Variants in SCAMP4 observed in about 807,000 individuals in gnomAD.
SCAMP4 encodes the protein secretory carrier membrane protein 4, also known as secretory carrier-associated membrane protein 4.
In SCAMP4, 19 loss-of-function variants were observed where a neutral mutation model predicts 32.1. The observed-to-expected ratio is 0.59, with a 90% CI of 0.41 to 0.87. The LOEUF is 0.87. Among genes scored for constraint, SCAMP4 ranks in the 40% least tolerant of loss-of-function variants. The pLI, the probability that SCAMP4 is intolerant of heterozygous loss-of-function variation, is 0.00. For synonymous variants in SCAMP4, 152 were observed against 132.7 expected (o/e 1.15, Z -1.00); for missense variants, 302 against 309.0 (o/e 0.98, Z 0.17).
At chr19:1,913,551 C>G in intron 1 of SCAMP4, 1 of 222,132 alleles carries the variant, frequency 4.5e-6, no homozygotes, top group Non-Finnish European at 8.9e-6. Flanking sequence ...TGCTGAGCCA[C>G]GTGTGGTCAG....
In SCAMP4 at chr19:1,905,428, C is replaced by G. The variant is rs548129125; in HGVS notation, c.-53C>G. 2 of 463,704 alleles carry G rather than the reference C, an allele frequency of 4.3e-6. No individual in the cohort carries two copies. The highest frequency in any genetic ancestry group is 8.9e-6 in the Non-Finnish European group (2 of 223,860). 28.7% of individuals were successfully genotyped at this position (463,704 alleles called of 1,614,324 possible). On this transcript the variant is annotated 5_prime_UTR_variant, in exon 1 of 7. Coordinates refer to ENST00000316097, the MANE Select transcript of SCAMP4 (RefSeq NM_079834.4). ...CTTGGCGAAGCGCTGCGCTCGCGCCCGGATCCCTCAGGTAAGCGCGCGGCC... is the reference window on the plus strand; with the variant it reads ...CTTGGCGAAGCGCTGCGCTCGCGCCGGGATCCCTCAGGTAAGCGCGCGGCC...
At chr19:1,922,722 G>A (rs556425606) in intron 5 of SCAMP4, 160 of 1,003,784 alleles carry the variant, frequency 1.6e-4, no homozygotes, top group East Asian at 1.1e-3. Context: ...GGTGCCCGCC[G>A]GACTCACTGA....
intron 4 of SCAMP4, 55 bp from the exon 5 acceptor site, chr19:1,918,834 G>C: frequency 6.4e-7 from 1 of 1,560,314 alleles, no homozygotes; most frequent in Non-Finnish European, 8.7e-7. Flanking sequence ...CTCTCTAGGC[G>C]CGTCTGGGAG....
chr19:1,907,559 C>A (rs1374292690), intron 1 of SCAMP4, among the ~76,000 whole-genome samples: 1 of 152,154 alleles, frequency 6.6e-6, no homozygotes, highest in South Asian at 2.1e-4. Context: ...GGTGGACATA[C>A]CCAGGTCCCG....
At chr19:1,912,897 CTG>C (rs2013559199) in intron 1 of SCAMP4, 3 of 1,608,246 alleles carry the variant, frequency 1.9e-6, no homozygotes, top group East Asian at 2.2e-5. Context: ...CGTGCGTAAA[CTG>C]GACGCAGACG....
rs769807147 is a variant in SCAMP4, at chr19:1,922,486, C to T, written c.396-584C>T. 204 of 941,970 alleles carry T rather than the reference C, an allele frequency of 2.2e-4. 1 individual carries two copies. Among genetic ancestry groups the T allele is most frequent in the African/African-American group, 4.8e-4 (27 of 56,518 alleles). 58.4% of individuals were successfully genotyped at this position (941,970 alleles called of 1,614,324 possible). On this transcript the variant is annotated intron_variant, in intron 5 of 6. Transcript: ENST00000316097. Reference sequence around the variant, plus strand: ...CTGGCCTCAAGTGATCCGCCCGCCTCGGCCTCCCAAAGTGCTGGGACGACA... The same window carrying T: ...CTGGCCTCAAGTGATCCGCCCGCCTTGGCCTCCCAAAGTGCTGGGACGACA...
chr19:1,912,842 C>G, intron 1 of SCAMP4: 1 of 1,594,842 alleles, frequency 6.3e-7, no homozygotes, highest in Non-Finnish European at 8.5e-7. Context: ...TCCCCGCCTG[C>G]TCCTTCGCCC....
Position 1,923,122 on chromosome 19 carries a change from G to C in SCAMP4, c.448G>C (p.Val150Leu). Reference protein sequence around the residue: ...FFQYSPGAAVVMLLPAIMFSV... With the variant: ...FFQYSPGAAVLMLLPAIMFSV... ...CCAGTACAGCCCGGGCGCTGCCGTG[G>C]TCATGCTGCTTCCAGCCATCATGTT... Residue 150 changes from valine (V) to leucine (L), a missense_variant, in exon 6 of 7, where the codon GTC becomes CTC. Val to Leu is a conservative substitution (Grantham distance 32, BLOSUM62 1). Transcript: ENST00000316097. 6.4e-7 allele frequency: 1 copy of C among 1,553,236 alleles called. No homozygotes were observed. Among genetic ancestry groups the C allele is most frequent in the Non-Finnish European group, 8.7e-7 (1 of 1,148,034 alleles).
intron 5 of SCAMP4, chr19:1,921,683 A>G: frequency 1.0e-6 from 1 of 985,306 alleles, no homozygotes; most frequent in East Asian, 1.1e-4. Context: ...TTACTTTTTT[A>G]AAAAATAAAA....
chr19:1,919,166 C>T (rs369452028), intron 5 of SCAMP4, 176 bp downstream of exon 5: 1 of 1,431,350 alleles, frequency 7.0e-7, no homozygotes, highest in African/African-American at 1.4e-5. Flanking sequence ...CGCCCGCGTC[C>T]TCGCCAGCAC....
At chr19:1,921,623 A>G (rs1378655976) in intron 5 of SCAMP4, 1 of 985,352 alleles carries the variant, frequency 1.0e-6, no homozygotes. Flanking sequence ...AGGAGTCCTC[A>G]AATGCCTTTG....
intron 1 of SCAMP4, among the ~76,000 whole-genome samples, chr19:1,910,687 T>C (rs1162653146): frequency 1.3e-5 from 2 of 150,724 alleles, no homozygotes; most frequent in Non-Finnish European, 3.0e-5. Context: ...AGCAATTCTC[T>C]TGCCTCAGCT....
intron 1 of SCAMP4, among the ~76,000 whole-genome samples, chr19:1,909,504 G>A (rs1429526933): frequency 6.6e-6 from 1 of 152,176 alleles, no homozygotes; most frequent in Non-Finnish European, 1.5e-5. Flanking sequence ...CCTCACCTGT[G>A]CCAGCAGCAG....
At chr19:1,906,979 A>T (rs2145420990) in intron 1 of SCAMP4, 1 of 152,024 alleles carries the variant, frequency 6.6e-6, no homozygotes, top group Admixed American at 6.6e-5. Context: ...CAAGGTCAGG[A>T]GTTCGAGAGC....
At chr19:1,917,406 G>T (rs1022442807) in intron 2 of SCAMP4, among the ~76,000 whole-genome samples, 1 of 152,208 alleles carries the variant, frequency 6.6e-6, no homozygotes, top group Non-Finnish European at 1.5e-5. Context: ...GCCGGTTCCC[G>T]CCTTGCCCAG....
chr19:1,918,135 G>A lies in SCAMP4; in HGVS notation c.145G>A (p.Ala49Thr), dbSNP rs45562539. The A allele has an allele frequency of 0.014, 23,169 of 1,610,848 alleles. 199 individuals are homozygous for A. Among genetic ancestry groups the A allele is most frequent in the Non-Finnish European group, 0.017 (19,870 of 1,178,582 alleles). Residue 49 changes from alanine (A) to threonine (T), a missense_variant, in exon 4 of 7, where the codon GCC becomes ACC. Ala to Thr is a moderately conservative substitution (Grantham distance 58). Coordinates refer to ENST00000316097, the MANE Select transcript of SCAMP4 (RefSeq NM_079834.4). ...RIYRLWMFYC[A>T]TLGVNLIACL... ...TCCCTCTCTCTTCGCAGTTTACTGCGCCACCCTCGGCGTCAACCTCATTGC... is the reference window on the plus strand; with the variant it reads ...TCCCTCTCTCTTCGCAGTTTACTGCACCACCCTCGGCGTCAACCTCATTGC...
chr19:1,911,133 C>T (rs1263025790), intron 1 of SCAMP4, among the ~76,000 whole-genome samples: 1 of 152,104 alleles, frequency 6.6e-6, no homozygotes, highest in Non-Finnish European at 1.5e-5. Flanking sequence ...CCTCGGCCTC[C>T]CAAAGTGCTA....
At chr19:1,917,922 C>T in intron 3 of SCAMP4, 100 bp downstream of exon 3, 1 of 1,508,376 alleles carries the variant, frequency 6.6e-7, no homozygotes, top group Non-Finnish European at 9.1e-7. Context: ...GGCCCACCGT[C>T]TACTGAAGCC....
intron 1 of SCAMP4, among the ~76,000 whole-genome samples, chr19:1,914,342 G>T (rs933611166): frequency 1.3e-5 from 2 of 152,158 alleles, no homozygotes; most frequent in Non-Finnish European, 2.9e-5. Flanking sequence ...ACTGTGGGCG[G>T]GAGGCAGCTC....
Sources: allele counts gnomAD v4.1 joint callset (sites outside exome capture counted in the v4.1 genomes callset), GRCh38; gene constraint gnomAD v4.1.1; transcripts MANE v1.5; gene names NCBI Gene and HGNC (gene_info 2026-07-23, HGNC 2026-07-21).